The following TRPM1 variants were observed in gnomAD, a reference collection of about 807,000 sequenced individuals.
TRPM1 encodes TRPM1-203 APA Isoform, Intron 10.
TRPM1 carries 113 observed loss-of-function variants against 149.4 expected under a neutral mutation model. The ratio of observed to expected loss-of-function variants is 0.76; its 90% CI spans 0.65 to 0.88. The LOEUF (loss-of-function observed/expected upper bound fraction) is 0.88. Ranked by LOEUF, TRPM1 falls within the 40% of genes least tolerant of loss-of-function variation. TRPM1 has a pLI of 0.00. For synonymous variants in TRPM1, 741 were observed against 759.5 expected (o/e 0.98, Z 0.40); for missense variants, 1,976 against 2,038.7 (o/e 0.97, Z 0.59).
chr15:31,061,638 A>C, intron 9 of TRPM1, 124 bp from the exon 10 acceptor site: 1 of 801,634 alleles, frequency 1.2e-6, no homozygotes, highest in East Asian at 2.6e-5. Flanking sequence ...AAACAGTTTC[A>C]AAGCAAGTGC....
At chr15:31,056,671 C>T (rs897922421) in intron 11 of TRPM1, among the ~76,000 whole-genome samples, 1 of 152,194 alleles carries the variant, frequency 6.6e-6, no homozygotes, top group African/African-American at 2.4e-5. Context: ...TGAAATTCTG[C>T]TCTCATGAAT....
intron 1 of TRPM1, among the ~76,000 whole-genome samples, chr15:31,082,973 G>A (rs959450554): frequency 6.6e-6 from 1 of 152,114 alleles, no homozygotes; most frequent in Non-Finnish European, 1.5e-5. Flanking sequence ...ACACACACAG[G>A]TGGGGGCGAC....
At chr15:31,045,725 A>G (rs2033744250) in intron 16 of TRPM1, among the ~76,000 whole-genome samples, 1 of 152,178 alleles carries the variant, frequency 6.6e-6, no homozygotes, top group Non-Finnish European at 1.5e-5. Flanking sequence ...AGAAAACTAT[A>G]TATTTTTTAA....
At position 31,063,133 on chromosome 15, in the gene TRPM1, T is replaced by C. The variant is rs1312230897; in HGVS notation, c.950A>G (p.Tyr317Cys). 1.2e-6 allele frequency: 2 copies of C among 1,614,238 alleles called. No individual in the cohort carries two copies. The highest frequency in any genetic ancestry group is 1.6e-4 in the Middle Eastern group (1 of 6,062). The change falls in exon 8 of 28, where the codon TAC (tyrosine) becomes TGC (cysteine). Residue 317 changes from tyrosine to cysteine, a missense_variant. Tyr to Cys is a radical substitution (Grantham distance 194). Coordinates refer to ENST00000256552, the MANE Select transcript of TRPM1 (RefSeq NM_001252024.2). ...ASDILSFAHK[Y>C]CEEGGIINES... ...GAAATCCTACCCGCCTTCTTCACAG[T>C]ACTTGTGCGCAAAGGACAGGATGTC...
At chr15:31,076,648 G>C (rs943952953) in intron 3 of TRPM1, among the ~76,000 whole-genome samples, 1 of 152,188 alleles carries the variant, frequency 6.6e-6, no homozygotes. Flanking sequence ...ATCTTGCTGA[G>C]ACTAAGAGGA....
At chr15:31,064,374 C>T (rs1245958167) in intron 7 of TRPM1, among the ~76,000 whole-genome samples, 1 of 152,180 alleles carries the variant, frequency 6.6e-6, no homozygotes, top group East Asian at 1.9e-4. Context: ...TCTTCAAGAA[C>T]ACAGTGGGTA....
intron 1 of TRPM1, among the ~76,000 whole-genome samples, chr15:31,115,001 T>C (rs1050958098): frequency 6.6e-6 from 1 of 152,232 alleles, no homozygotes; most frequent in East Asian, 1.9e-4. Flanking sequence ...ATGCCTGTAA[T>C]CCCAGCACTT....
At chr15:31,094,318 T>C (rs1301588403) in intron 1 of TRPM1, among the ~76,000 whole-genome samples, 1 of 152,164 alleles carries the variant, frequency 6.6e-6, no homozygotes, top group Non-Finnish European at 1.5e-5. Context: ...ATAGATATGA[T>C]ACCATAAGCA....
chr15:31,147,316 T>C (rs1050137767), intron 1 of TRPM1, among the ~76,000 whole-genome samples: 2 of 152,260 alleles, frequency 1.3e-5, no homozygotes, highest in African/African-American at 4.8e-5. Flanking sequence ...AAAGAACCGT[T>C]CTGAATTTCC....
At chr15:31,031,213 CT>C in intron 22 of TRPM1, 56 bp from the exon 23 acceptor site, 1 of 1,596,808 alleles carries the variant, frequency 6.3e-7, no homozygotes, top group East Asian at 2.2e-5. Flanking sequence ...CAAGTTCACC[CT>C]GGCTCATTAT....
In TRPM1 at chr15:31,019,234, A is replaced by G. The variant is rs187733184; in HGVS notation, c.3629+6905T>C. 4.9e-3 allele frequency among the ~76,000 whole-genome samples: 743 copies of G among 152,300 alleles called. 6 individuals carry two copies. The highest frequency in any genetic ancestry group is 0.017 in the African/African-American group (719 of 41,564). Reference sequence around the variant, plus strand: ...TTGTCTTATCCACTCTAAATTTTACATCCAGCTATTTTAATTTCCATCCAC... The same window carrying G: ...TTGTCTTATCCACTCTAAATTTTACGTCCAGCTATTTTAATTTCCATCCAC... On this transcript the variant is annotated intron_variant, in intron 27 of 27. Transcript: ENST00000256552.
chr15:31,099,456 A>G (rs2035466739), intron 1 of TRPM1, among the ~76,000 whole-genome samples: 1 of 152,204 alleles, frequency 6.6e-6, no homozygotes, highest in Non-Finnish European at 1.5e-5. Flanking sequence ...ATTGTCAATC[A>G]AAGCCAAAGC....
chr15:31,069,444 A>T, intron 4 of TRPM1: 1 of 1,013,834 alleles, frequency 9.9e-7, no homozygotes, highest in Non-Finnish European at 1.2e-6. Flanking sequence ...GTGAAATAAA[A>T]TGAAATTGCA....
intron 4 of TRPM1, among the ~76,000 whole-genome samples, chr15:31,068,606 T>C (rs2034446899): frequency 6.6e-6 from 1 of 151,840 alleles, no homozygotes; most frequent in Admixed American, 6.6e-5. Flanking sequence ...TAGCCAGGTG[T>C]GGTAGCGCAT....
intron 27 of TRPM1, among the ~76,000 whole-genome samples, chr15:31,013,349 T>C (rs2032253006): frequency 1.3e-5 from 2 of 152,054 alleles, no homozygotes; most frequent in African/African-American, 4.8e-5. Context: ...ACCTCTTTTT[T>C]TTTGAGACCT....
intron 27 of TRPM1, among the ~76,000 whole-genome samples, chr15:31,004,172 G>A (rs190954623): frequency 6.6e-6 from 1 of 152,058 alleles, no homozygotes; most frequent in East Asian, 1.9e-4. Context: ...AAAAACATAG[G>A]GAGACTTGGC....
chr15:31,088,341 T>C (rs1009680983), intron 1 of TRPM1, among the ~76,000 whole-genome samples: 12 of 152,212 alleles, frequency 7.9e-5, no homozygotes, highest in South Asian at 4.1e-4. Context: ...CCTTATTGGT[T>C]GTGGAAGCTT....
chr15:31,141,345 T>C (rs2036159266), intron 1 of TRPM1, among the ~76,000 whole-genome samples: 1 of 152,170 alleles, frequency 6.6e-6, no homozygotes, highest in Non-Finnish European at 1.5e-5. Context: ...ATATAGGTAA[T>C]TCTGTACACA....
At chr15:31,145,595 CT>C (rs1247311875) in intron 1 of TRPM1, among the ~76,000 whole-genome samples, 1 of 152,150 alleles carries the variant, frequency 6.6e-6, no homozygotes, top group African/African-American at 2.4e-5. Flanking sequence ...GTAGCACTCT[CT>C]TTTTTAATTT....
Sources: allele counts gnomAD v4.1 joint callset (sites outside exome capture counted in the v4.1 genomes callset), GRCh38; gene constraint gnomAD v4.1.1; transcripts MANE v1.5; gene names NCBI Gene and HGNC (gene_info 2026-07-23, HGNC 2026-07-21).